The following DRD2 variants were observed in gnomAD, a reference collection of about 807,000 sequenced individuals.
DRD2 encodes dopamine receptor D2, also known as D(2) dopamine receptor.
DRD2 carries 8 observed loss-of-function variants against 38.0 expected under a neutral mutation model. That is an observed-to-expected ratio of 0.21 (90% confidence interval 0.12 to 0.38). The LOEUF (loss-of-function observed/expected upper bound fraction) is 0.38, where lower values mean the gene tolerates loss of function less well. Ranked by LOEUF, DRD2 falls within the 10% of genes least tolerant of loss-of-function variation. The pLI is 1.00. For missense variants in DRD2, 403 were observed against 607.7 expected (o/e 0.66, Z 3.54); for synonymous variants, 230 against 238.6 (o/e 0.96, Z 0.33).
intron 2 of DRD2, among the ~76,000 whole-genome samples, chr11:113,422,695 G>C (rs1950897037): frequency 6.6e-6 from 1 of 152,170 alleles, no homozygotes; most frequent in South Asian, 2.1e-4. Flanking sequence ...CTGTAGTAAA[G>C]GAAGCCAAGG....
At chr11:113,454,135 C>CA (rs1951243814) in intron 1 of DRD2, among the ~76,000 whole-genome samples, 1 of 152,108 alleles carries the variant, frequency 6.6e-6, no homozygotes, top group African/African-American at 2.4e-5. Context: ...AGTCTTTACA[C>CA]AATAAAATCA....
At chr11:113,460,490 T>C (rs1018721134) in intron 1 of DRD2, among the ~76,000 whole-genome samples, 10 of 152,246 alleles carry the variant, frequency 6.6e-5, no homozygotes, top group Non-Finnish European at 1.5e-4. Context: ...GCTCCACCTG[T>C]TGCTTAAGAG....
chr11:113,433,234 T>G (rs535539425), intron 1 of DRD2, among the ~76,000 whole-genome samples: 17 of 152,186 alleles, frequency 1.1e-4, no homozygotes, highest in African/African-American at 3.9e-4. Flanking sequence ...CAGGCCCGAG[T>G]GCACAGGGGA....
At chr11:113,431,149 G>A (rs1388827237) in intron 1 of DRD2, among the ~76,000 whole-genome samples, 2 of 152,144 alleles carry the variant, frequency 1.3e-5, no homozygotes, top group Non-Finnish European at 2.9e-5. Flanking sequence ...CAAGAACTTA[G>A]TGAGCACCAA....
At chr11:113,468,049 T>C (rs758612103) in intron 1 of DRD2, among the ~76,000 whole-genome samples, 1 of 152,204 alleles carries the variant, frequency 6.6e-6, no homozygotes, top group South Asian at 2.1e-4. Context: ...ATAATAACAA[T>C]AACAATCATT....
chr11:113,418,223 G>A, intron 2 of DRD2, 87 bp from the exon 3 acceptor site: 1 of 1,107,676 alleles, frequency 9.0e-7, no homozygotes, highest in Non-Finnish European at 1.4e-6. Flanking sequence ...AGCCGATGAG[G>A]CCACAGACTC....
chr11:113,429,188 C>T (rs7131440), intron 1 of DRD2, among the ~76,000 whole-genome samples: 66,200 of 152,146 alleles, frequency 0.44, 17,056 homozygotes, highest in Non-Finnish European at 0.6. Flanking sequence ...GCCTAAATAC[C>T]TGTAACCCCT....
At chr11:113,423,388 G>T (rs1950904641) in intron 2 of DRD2, among the ~76,000 whole-genome samples, 1 of 152,022 alleles carries the variant, frequency 6.6e-6, no homozygotes, top group African/African-American at 2.4e-5. Flanking sequence ...CAATTCTCCT[G>T]CCTCAGCCTC....
At chr11:113,436,382 C>T (rs561398040) in intron 1 of DRD2, among the ~76,000 whole-genome samples, 1 of 152,282 alleles carries the variant, frequency 6.6e-6, no homozygotes, top group Non-Finnish European at 1.5e-5. Context: ...AAGCCATCTT[C>T]ACCAATTGCA....
chr11:113,461,301 C>T (rs1040333248), intron 1 of DRD2, among the ~76,000 whole-genome samples: 2 of 152,192 alleles, frequency 1.3e-5, no homozygotes, highest in East Asian at 1.9e-4. Context: ...GAGTGAGTCC[C>T]GCTAGTTTTG....
At chr11:113,434,120 G>A (rs901723884) in intron 1 of DRD2, among the ~76,000 whole-genome samples, 90 of 152,276 alleles carry the variant, frequency 5.9e-4, no homozygotes, top group African/African-American at 1.8e-3. Context: ...CTCAGAGCCC[G>A]TCTTCTCACT....
chr11:113,415,800 A>C (rs1950820162), intron 4 of DRD2, among the ~76,000 whole-genome samples, 189 bp from the exon 5 acceptor site: 1 of 152,192 alleles, frequency 6.6e-6, no homozygotes, highest in Non-Finnish European at 1.5e-5. Context: ...GAGTATTAAA[A>C]ACACGGTTGT....
chr11:113,412,206 T>G, intron 7 of DRD2: 1 of 374,080 alleles, frequency 2.7e-6, no homozygotes, highest in South Asian at 2.7e-5. Flanking sequence ...ACTCTACAGA[T>G]GAGGAGCCTA....
intron 1 of DRD2, among the ~76,000 whole-genome samples, chr11:113,430,060 T>A (rs1448896821): frequency 1.3e-5 from 2 of 152,070 alleles, no homozygotes; most frequent in African/African-American, 2.4e-5. Context: ...CTCACTAGGG[T>A]CTGAGGTCCT....
intron 1 of DRD2, among the ~76,000 whole-genome samples, chr11:113,451,194 A>G (rs959517746): frequency 2.6e-5 from 4 of 152,238 alleles, no homozygotes; most frequent in Non-Finnish European, 5.9e-5. Flanking sequence ...ATATGTATCC[A>G]AAACTTGTTA....
At chr11:113,461,179 A>G (rs1951314537) in intron 1 of DRD2, among the ~76,000 whole-genome samples, 1 of 152,216 alleles carries the variant, frequency 6.6e-6, no homozygotes. Flanking sequence ...GCGAGGCCAC[A>G]GGATCCTCAT....
chr11:113,443,226 C>T (rs1951109964), intron 1 of DRD2, among the ~76,000 whole-genome samples: 1 of 152,204 alleles, frequency 6.6e-6, no homozygotes, highest in Non-Finnish European at 1.5e-5. Context: ...GAGGCCACCT[C>T]CTCCGAGAAG....
chr11:113,438,351 C>T (rs544777399), intron 1 of DRD2, among the ~76,000 whole-genome samples: 10 of 152,114 alleles, frequency 6.6e-5, no homozygotes, highest in Non-Finnish European at 1.5e-4. Flanking sequence ...GCAAAATTGA[C>T]TTAGAAAATG....
intron 1 of DRD2, among the ~76,000 whole-genome samples, chr11:113,441,292 C>T (rs1049038926): frequency 1.3e-5 from 2 of 152,188 alleles, no homozygotes; most frequent in African/African-American, 4.8e-5. Context: ...AACCTTTTTC[C>T]TTTGCAAGGC....
Sources: allele counts gnomAD v4.1 joint callset (sites outside exome capture counted in the v4.1 genomes callset), GRCh38; gene constraint gnomAD v4.1.1; transcripts MANE v1.5; gene names NCBI Gene and HGNC (gene_info 2026-07-23, HGNC 2026-07-21).